The following RBM45 variants were observed in gnomAD, a reference collection of about 807,000 sequenced individuals.
RBM45 encodes the protein RNA binding motif protein 45, also known as RNA-binding protein 45.
A neutral mutation model predicts 58.5 loss-of-function variants in RBM45; 39 were observed. The observed-to-expected ratio is 0.67, with a 90% CI of 0.52 to 0.87. The LOEUF (loss-of-function observed/expected upper bound fraction) is 0.87. Among genes scored for constraint, RBM45 ranks in the 40% least tolerant of loss-of-function variants. RBM45 has a pLI of 0.00. For synonymous variants in RBM45, 193 were observed against 203.0 expected, an observed-to-expected ratio of 0.95 and a Z score of 0.42; for missense variants, 481 against 581.6, an observed-to-expected ratio of 0.83 and a Z score of 1.78.
chr2:178,132,239 T>A (rs962021196), downstream of RBM45, among the ~76,000 whole-genome samples: 1 of 152,238 alleles, frequency 6.6e-6, no homozygotes, highest in African/African-American at 2.4e-5. Flanking sequence ...AAGCAACATG[T>A]TCCAAACTAT....
At chr2:178,117,780 C>A (rs2087796690) in intron 2 of RBM45, among the ~76,000 whole-genome samples, 1 of 152,166 alleles carries the variant, frequency 6.6e-6, no homozygotes, top group Admixed American at 6.5e-5. Flanking sequence ...AGCTCTGGCT[C>A]TTAACCACTG....
intron 4 of RBM45, among the ~76,000 whole-genome samples, chr2:178,120,833 A>C (rs1255495435): frequency 6.6e-6 from 1 of 152,204 alleles, no homozygotes; most frequent in East Asian, 1.9e-4. Flanking sequence ...AGAAGCTCTA[A>C]TAGAAAAAGG....
intron 7 of RBM45, 39 bp downstream of exon 7, chr2:178,123,951 A>T: frequency 6.5e-7 from 1 of 1,544,258 alleles, no homozygotes; most frequent in Non-Finnish European, 8.9e-7. Context: ...ATATATCAAT[A>T]GCATATAAAA....
chr2:178,116,195 G>T, intron 1 of RBM45, 67 bp from the exon 2 acceptor site: 10 of 1,457,482 alleles, frequency 6.9e-6, no homozygotes, highest in South Asian at 1.5e-5. Flanking sequence ...AATTGCTTTT[G>T]AAAAAATTTA....
At chr2:178,137,483 T>C (rs931316785) in exon 4 of RBM45, 3 of 152,192 alleles carry the variant, frequency 2.0e-5, no homozygotes, top group Non-Finnish European at 2.9e-5. Context: ...CCAATGTCCA[T>C]GAACAGAATG....
chr2:178,113,667 A>G (rs2087734031), intron 1 of RBM45, among the ~76,000 whole-genome samples: 1 of 152,198 alleles, frequency 6.6e-6, no homozygotes, highest in Non-Finnish European at 1.5e-5. Flanking sequence ...TAAGCCCTCA[A>G]TAATGTCCTT....
intron 3 of RBM45, 41 bp downstream of exon 3, chr2:178,118,222 A>T (rs1478343762): frequency 1.9e-6 from 3 of 1,544,762 alleles, no homozygotes; most frequent in African/African-American, 2.7e-5. Context: ...TTTGTAAAAA[A>T]TTCTGATTAT....
At chr2:178,112,968 C>G in intron 1 of RBM45, 122 bp downstream of exon 1, 1 of 1,046,882 alleles carries the variant, frequency 9.6e-7, no homozygotes, top group South Asian at 1.6e-5. Flanking sequence ...GCTGACCAGA[C>G]AGCACCTGGC....
intron 8 of RBM45, 104 bp from the exon 9 acceptor site, chr2:178,125,880 C>T: frequency 1.2e-6 from 1 of 811,822 alleles, no homozygotes; most frequent in Non-Finnish European, 2.1e-6. Context: ...GATGTTGGAT[C>T]TGGGGAGAAG....
At chr2:178,115,425 C>T (rs2087758072) in intron 1 of RBM45, among the ~76,000 whole-genome samples, 2 of 151,786 alleles carry the variant, frequency 1.3e-5, no homozygotes, top group Admixed American at 1.3e-4. Flanking sequence ...TTTGTATTTC[C>T]CTATTTACCA....
intron 1 of RBM45, among the ~76,000 whole-genome samples, chr2:178,114,753 GC>G (rs1263657919): frequency 6.6e-6 from 1 of 151,928 alleles, no homozygotes. Context: ...GCACCACCAT[GC>G]CCAGCTTATT....
intron 3 of RBM45, among the ~76,000 whole-genome samples, chr2:178,134,893 C>T (rs959732920): frequency 1.4e-5 from 2 of 138,944 alleles, no homozygotes; most frequent in Admixed American, 7.9e-5. Flanking sequence ...GAGGCTGAGG[C>T]GAGATAATCT....
chr2:178,127,468 C>A (rs183359099), intron 9 of RBM45, among the ~76,000 whole-genome samples: 80 of 152,290 alleles, frequency 5.3e-4, no homozygotes, highest in Non-Finnish European at 1.0e-3. Flanking sequence ...TGCTGATGAC[C>A]CTTCCTCTCC....
At chr2:178,124,073 C>CA in intron 7 of RBM45, 54 bp from the exon 8 acceptor site, 1 of 1,548,550 alleles carries the variant, frequency 6.5e-7, no homozygotes, top group Admixed American at 2.1e-5. Context: ...AGCTCTTGGC[C>CA]AAAAATCCCT....
chr2:178,114,143 C>T (rs2087739321), intron 1 of RBM45, among the ~76,000 whole-genome samples: 1 of 152,214 alleles, frequency 6.6e-6, no homozygotes. Flanking sequence ...TTGCAGGCCA[C>T]ATACAGTCTC....
At chr2:178,131,803 C>T (rs1479768499), downstream of RBM45, among the ~76,000 whole-genome samples, 1 of 152,140 alleles carries the variant, frequency 6.6e-6, no homozygotes, top group African/African-American at 2.4e-5. Context: ...AGCCTTGGTC[C>T]TGTCTTCCTA....
chr2:178,122,112 C>A (rs1453980143), intron 5 of RBM45, among the ~76,000 whole-genome samples: 1 of 152,052 alleles, frequency 6.6e-6, no homozygotes, highest in African/African-American at 2.4e-5. Flanking sequence ...TCTCTTTCCT[C>A]GTATGTAAAA....
intron 5 of RBM45, among the ~76,000 whole-genome samples, chr2:178,122,776 C>G (rs1307064658): frequency 6.6e-6 from 1 of 152,042 alleles, no homozygotes; most frequent in Non-Finnish European, 1.5e-5. Context: ...CATTTGATTT[C>G]TGTGTTTTAT....
Position 178,129,521 on chromosome 2 carries a change from T to C in RBM45, c.*133T>C, listed in dbSNP as rs1047965590. ...ACCTGATAGTCTGTGTACAGCATTG[T>C]TTTGTCTGGGAAGCAGGGATTGCTG... On this transcript the variant is annotated 3_prime_UTR_variant, in exon 10 of 10. Coordinates refer to ENST00000286070, the MANE Select transcript of RBM45 (RefSeq NM_152945.4). 8 of 152,640 alleles carry C rather than the reference T, an allele frequency of 5.2e-5. No individual in the cohort carries two copies. The highest frequency in any genetic ancestry group is 1.7e-4 in the African/African-American group (7 of 41,450). 9.5% of individuals were successfully genotyped at this position (152,640 alleles called of 1,614,324 possible).
Sources: gnomAD v4.1 joint callset for allele counts (sites outside exome capture counted in the v4.1 genomes callset) on GRCh38, gnomAD v4.1.1 for gene constraint, MANE v1.5 for transcripts, NCBI Gene and HGNC (gene_info 2026-07-23, HGNC 2026-07-21) for gene names.